Variants in FGD2 observed in about 807,000 individuals in gnomAD.
The protein encoded by FGD2 is FYVE, RhoGEF and PH domain containing 2, also known as FYVE, RhoGEF and PH domain-containing protein 2.
FGD2 carries 52 observed loss-of-function variants against 75.9 expected under a neutral mutation model. The observed-to-expected ratio is 0.69, with a 90% CI of 0.55 to 0.86. The LOEUF is 0.86. Among genes scored for constraint, FGD2 ranks in the 40% least tolerant of loss-of-function variants. The pLI is 0.00. For synonymous variants in FGD2, 347 were observed against 348.6 expected (o/e 1.00, Z 0.05); for missense variants, 790 against 872.0 (o/e 0.91, Z 1.18).
chr6:37,021,280 G>C (rs892259513), intron 11 of FGD2, among the ~76,000 whole-genome samples: 18 of 152,114 alleles, frequency 1.2e-4, no homozygotes, highest in South Asian at 2.1e-4. Context: ...TCATTGCCTA[G>C]CTGGGCAGTC....
At chr6:37,011,315 G>T (rs976858740) in intron 3 of FGD2, 10 of 571,356 alleles carry the variant, frequency 1.8e-5, no homozygotes, top group Non-Finnish European at 2.8e-5. Flanking sequence ...GGCCTACACG[G>T]TATCTTCATC....
At position 37,014,028 on chromosome 6, in the gene FGD2, C is replaced by G; in HGVS notation, c.751C>G (p.Arg251Gly). ...GCTGGAACCAGTGCAGAGAATTCCA[C>G]GTTACGAGCTGCTGCTCAAGGAGTA... ...HMLEPVQRIP[R>G]YELLLKEYIQ... is the part of the protein sequence containing the mutation. Residue 251 changes from arginine (R) to glycine (G), a missense_variant, in exon 6 of 16, where the codon CGT becomes GGT. By Grantham distance (125) the Arg-to-Gly change is moderately radical. Coordinates refer to ENST00000274963, the MANE Select transcript of FGD2 (RefSeq NM_173558.4). 3 of 1,614,110 alleles carry G rather than the reference C, an allele frequency of 1.9e-6. No homozygotes were observed. Among genetic ancestry groups the G allele is most frequent in the Admixed American group, 1.7e-5 (1 of 60,006 alleles).
At position 37,028,840 on chromosome 6, in the gene FGD2, C is replaced by T. The variant is rs993066865; in HGVS notation, c.*677C>T. On this transcript the variant is annotated 3_prime_UTR_variant, in exon 16 of 16. Transcript: ENST00000274963. ...CTCAGGCTGGTCTCAAACTCCCAGC[C>T]TCAAGCGATGCTCCCACCTCCACCT... is the stretch of plus-strand genomic sequence containing the variant. 1 of 151,910 alleles carries T rather than the reference C, an allele frequency of 6.6e-6. No individual in the cohort carries two copies. The highest frequency in any genetic ancestry group is 1.5e-5 in the Non-Finnish European group (1 of 67,950). The allele number at this position is 151,910 out of a possible 1,614,324, so 9.4% of individuals were successfully genotyped here.
In FGD2 at chr6:37,014,116, G is replaced by C. The variant is rs1256051005; in HGVS notation, c.823+16G>C. On this transcript the variant is annotated intron_variant, in intron 6 of 15. Coordinates refer to ENST00000274963, the MANE Select transcript of FGD2 (RefSeq NM_173558.4). Reference sequence around the variant, plus strand: ...GATGCCCAGAGTGAGGACACCCCCAGGGGTCCCAGGGGGCTGAGGAGGCCT... The same window carrying C: ...GATGCCCAGAGTGAGGACACCCCCACGGGTCCCAGGGGGCTGAGGAGGCCT... 1 of 1,611,158 alleles carries C rather than the reference G, an allele frequency of 6.2e-7. No individual in the cohort carries two copies. Among genetic ancestry groups the C allele is most frequent in the East Asian group, 2.2e-5 (1 of 44,874 alleles).
intron 2 of FGD2, 178 bp downstream of exon 2, chr6:37,009,243 G>A (rs1764896344): frequency 3.3e-6 from 2 of 612,650 alleles, no homozygotes; most frequent in Non-Finnish European, 5.7e-6. Flanking sequence ...TTCACTAACT[G>A]CCTGCTACGC....
chr6:37,014,128 G>A (rs773284680), intron 6 of FGD2, 28 bp downstream of exon 6: 70 of 1,607,414 alleles, frequency 4.4e-5, no homozygotes, highest in Admixed American at 8.5e-5. Context: ...GGTCCCAGGG[G>A]GCTGAGGAGG....
intron 9 of FGD2, among the ~76,000 whole-genome samples, chr6:37,016,520 T>C (rs373763372): frequency 0.011 from 1,639 of 146,216 alleles, 21 homozygotes; most frequent in African/African-American, 0.038. Flanking sequence ...GCAGGGGCTG[T>C]TAGAATCTTC....
chr6:37,024,171 T>C (rs888280688), intron 13 of FGD2: 3 of 152,110 alleles, frequency 2.0e-5, no homozygotes, highest in South Asian at 4.1e-4. Flanking sequence ...TGAAACCCTG[T>C]CTCTACTAAA....
chr6:37,011,807 C>G lies in FGD2; in HGVS notation c.480C>G (p.Phe160Leu). The change falls in exon 4 of 16, where the codon TTC becomes TTG. Residue 160 changes from phenylalanine to leucine, a missense_variant. By Grantham distance (22) the Phe-to-Leu change is conservative. Transcript: ENST00000274963. ...CCAACATCTCCTCCATCTATCAGTT[C>G]CATTCTCAGTTCTTCCTCCCAGAGC... is the stretch of plus-strand genomic sequence containing the variant. The part of the protein sequence containing the change: ...IFSNISSIYQ[F>L]HSQFFLPELQ... The G allele has an allele frequency of 6.2e-7, 1 of 1,614,134 alleles. No homozygotes were observed. The highest frequency in any genetic ancestry group is 1.3e-5 in the African/African-American group (1 of 75,048).
At chr6:37,018,938 G>A (rs890854752) in intron 9 of FGD2, among the ~76,000 whole-genome samples, 1 of 152,228 alleles carries the variant, frequency 6.6e-6, no homozygotes. Context: ...TTGAGGCTCA[G>A]CTCAGCACAG....
chr6:37,010,852 A>G (rs958904715), intron 2 of FGD2, 121 bp from the exon 3 acceptor site: 2 of 922,540 alleles, frequency 2.2e-6, no homozygotes, highest in East Asian at 2.5e-5. Context: ...GCGGGAGGCC[A>G]TGAATCCCGG....
chr6:37,013,469 C>T, intron 4 of FGD2, 140 bp from the exon 5 acceptor site: 2 of 1,442,360 alleles, frequency 1.4e-6, no homozygotes, highest in Non-Finnish European at 1.8e-6. Context: ...GTGAGGATGA[C>T]ACCCCCGTAC....
chr6:37,020,970 G>A (rs1462357726), intron 11 of FGD2, among the ~76,000 whole-genome samples: 2 of 151,208 alleles, frequency 1.3e-5, no homozygotes, highest in Admixed American at 6.6e-5. Context: ...GTGTGTTTGT[G>A]TGTGTGTTTG....
intron 9 of FGD2, among the ~76,000 whole-genome samples, chr6:37,017,324 A>G (rs1452828311): frequency 6.6e-6 from 1 of 152,188 alleles, no homozygotes; most frequent in Non-Finnish European, 1.5e-5. Flanking sequence ...CTGTGTGTGA[A>G]TGTATCTGCA....
chr6:37,005,889 T>C lies in FGD2; in HGVS notation c.68+4T>C. ...TCACTGTGTTTGAGAATAGCAGGTA[T>C]GGGCAGCTGGGGTGGGAGGGTCACC... On this transcript the variant is annotated splice_donor_region_variant and intron_variant, in intron 1 of 15. Transcript: ENST00000274963. 6.2e-7 allele frequency: 1 copy of C among 1,613,104 alleles called. No individual in the cohort carries two copies. The highest frequency in any genetic ancestry group is 8.5e-7 in the Non-Finnish European group (1 of 1,179,730).
chr6:37,015,111 T>G, intron 8 of FGD2, 73 bp downstream of exon 8: 1 of 1,539,878 alleles, frequency 6.5e-7, no homozygotes, highest in Non-Finnish European at 8.7e-7. Flanking sequence ...CGAGTCATAC[T>G]GCCTGGCCTC....
chr6:37,015,259 C>A (rs1765228320), intron 8 of FGD2, among the ~76,000 whole-genome samples: 1 of 152,180 alleles, frequency 6.6e-6, no homozygotes, highest in African/African-American at 2.4e-5. Flanking sequence ...CAGACATGTC[C>A]TAGGAAGCAA....
chr6:37,020,628 A>C lies in FGD2; in HGVS notation c.1202+8A>C. 1 of 1,598,626 alleles carries C rather than the reference A, an allele frequency of 6.3e-7. No homozygotes were observed. The highest frequency in any genetic ancestry group is 8.5e-7 in the Non-Finnish European group (1 of 1,172,504). On this transcript the variant is annotated splice_region_variant and intron_variant, in intron 10 of 15. Transcript: ENST00000274963. ...CCTGGAGCTGCAAGCCCGGTAAAGGAGCTGGGGTGGCGGCCCAGGGCCAGG... is the reference window on the plus strand; with the variant it reads ...CCTGGAGCTGCAAGCCCGGTAAAGGCGCTGGGGTGGCGGCCCAGGGCCAGG...
Position 37,008,989 on chromosome 6 carries a change from C to G in FGD2, c.224C>G (p.Ser75Cys), listed in dbSNP as rs572645440. The change falls in exon 2 of 16, where the codon TCC becomes TGC. Residue 75 changes from serine to cysteine, a missense_variant. Transcript: ENST00000274963. ...PRTVSRRYLN[S>C]LKNKLSSEAW... ...ACAGTCAGCAGGAGGTACCTGAACTCCCTGAAGAACAAGCTGTCCAGCGAA... is the reference window on the plus strand; with the variant it reads ...ACAGTCAGCAGGAGGTACCTGAACTGCCTGAAGAACAAGCTGTCCAGCGAA... 10 of 1,614,224 alleles carry G rather than the reference C, an allele frequency of 6.2e-6. No homozygotes were observed. The South Asian group carries it at 8.8e-5, about 14-fold the overall frequency.
Sources: gnomAD v4.1 joint callset for allele counts (sites outside exome capture counted in the v4.1 genomes callset) on GRCh38, gnomAD v4.1.1 for gene constraint, MANE v1.5 for transcripts, NCBI Gene and HGNC (gene_info 2026-07-23, HGNC 2026-07-21) for gene names.